The following AFAP1 variants were observed in gnomAD, a reference collection of about 807,000 sequenced individuals.
The protein encoded by AFAP1 is actin filament-associated protein 1.
Under a neutral mutation model 93.9 loss-of-function variants are expected in AFAP1, and 75 were observed. That is an observed-to-expected ratio of 0.80 (90% CI 0.66 to 0.97). The LOEUF (loss-of-function observed/expected upper bound fraction) is 0.97. Ranked by LOEUF, AFAP1 falls within the 50% of genes least tolerant of loss-of-function variation. AFAP1 has a pLI of 0.00. For synonymous variants in AFAP1, 517 were observed against 430.7 expected (o/e 1.20, Z -2.48); for missense variants, 1,201 against 1,050.8 (o/e 1.14, Z -1.98).
At chr4:7,929,067 A>T (rs1720922438) in intron 1 of AFAP1, among the ~76,000 whole-genome samples, 1 of 152,326 alleles carries the variant, frequency 6.6e-6, no homozygotes, top group South Asian at 2.1e-4. Context: ...TCAGGAGAGG[A>T]GGCAGGGGTG....
Position 7,797,718 on chromosome 4 carries a change from C to T in AFAP1, c.1266+2724G>A, listed in dbSNP as rs547327884. On this transcript the variant is annotated intron_variant, in intron 10 of 17. Transcript: ENST00000420658. ...CCTGACGAAGATCTAGGACTCAGAC[C>T]AGCATGCTGTATGCATGGTAGTTTC... 2.0e-5 allele frequency among the ~76,000 whole-genome samples: 3 copies of T among 152,306 alleles called. No homozygotes were observed. The East Asian group carries it at 5.8e-4, about 29-fold the overall frequency.
In AFAP1 at chr4:7,759,125, A is replaced by G. The variant is rs924408069; in HGVS notation, c.*4640T>C. ...TATCACCATGGTCAATTAATTCTGAATATCACTTAAAAGTTGATGTTAAAA... is the reference window on the plus strand; with the variant it reads ...TATCACCATGGTCAATTAATTCTGAGTATCACTTAAAAGTTGATGTTAAAA... On this transcript the variant is annotated 3_prime_UTR_variant, in exon 18 of 18. Coordinates refer to ENST00000420658, the MANE Select transcript of AFAP1 (RefSeq NM_001134647.2). 2.8e-4 allele frequency: 43 copies of G among 152,684 alleles called. No individual in the cohort carries two copies. The highest frequency in any genetic ancestry group is 8.7e-4 in the African/African-American group (36 of 41,470). 9.5% of individuals were successfully genotyped at this position (152,684 alleles called of 1,614,324 possible). A position where few individuals can be genotyped will look rare whatever the true frequency, so the allele number is the denominator to read the frequency against.
intron 1 of AFAP1, among the ~76,000 whole-genome samples, chr4:7,918,269 G>C (rs1475174321): frequency 6.8e-6 from 1 of 147,138 alleles, no homozygotes; most frequent in African/African-American, 2.5e-5. Flanking sequence ...TGCCAGATGA[G>C]ACATTCGGCC....
chr4:7,793,981 C>A (rs556671712), intron 10 of AFAP1, among the ~76,000 whole-genome samples, 155 bp from the exon 11 acceptor site: 2 of 152,176 alleles, frequency 1.3e-5, no homozygotes, highest in Admixed American at 6.5e-5. Context: ...ATGGGATTAA[C>A]GTCACGTTCG....
chr4:7,919,724 C>T (rs1420538228), intron 1 of AFAP1, among the ~76,000 whole-genome samples: 1 of 151,940 alleles, frequency 6.6e-6, no homozygotes, highest in East Asian at 1.9e-4. Context: ...TTTGCTGCAC[C>T]TATCAACCCA....
chr4:7,869,632 G>C (rs182136585), intron 2 of AFAP1, among the ~76,000 whole-genome samples: 4 of 152,184 alleles, frequency 2.6e-5, no homozygotes, highest in Admixed American at 2.6e-4. Context: ...TTTTAATTTG[G>C]GCACAGTACT....
intron 1 of AFAP1, among the ~76,000 whole-genome samples, chr4:7,872,695 T>C (rs1717149660): frequency 6.6e-6 from 1 of 152,146 alleles, no homozygotes. Context: ...GTCAGCAGTT[T>C]GTAGATGATG....
At chr4:7,871,703 A>C (rs1478258440) in intron 2 of AFAP1, among the ~76,000 whole-genome samples, 1 of 152,176 alleles carries the variant, frequency 6.6e-6, no homozygotes, top group African/African-American at 2.4e-5. Context: ...GGTAATCTCC[A>C]AACGCTGGGG....
intron 1 of AFAP1, among the ~76,000 whole-genome samples, chr4:7,914,451 C>G (rs749965805): frequency 6.6e-6 from 1 of 152,156 alleles, no homozygotes; most frequent in Non-Finnish European, 1.5e-5. Flanking sequence ...CAGTTCCACC[C>G]ACGTTGCTGA....
chr4:7,806,072 G>A (rs1056852197), intron 9 of AFAP1, among the ~76,000 whole-genome samples: 1 of 152,210 alleles, frequency 6.6e-6, no homozygotes, highest in African/African-American at 2.4e-5. Flanking sequence ...AATAATTCCA[G>A]GACTTGTAAG....
At chr4:7,773,125 C>T (rs1715673686) in intron 15 of AFAP1, 115 bp from the exon 16 acceptor site, 1 of 1,436,180 alleles carries the variant, frequency 7.0e-7, no homozygotes, top group Admixed American at 2.6e-5. Flanking sequence ...TCGAGCTCCC[C>T]TGACTTAGGT....
At chr4:7,772,584 G>C (rs1715585188) in intron 16 of AFAP1, 2 of 533,904 alleles carry the variant, frequency 3.7e-6, no homozygotes, top group Non-Finnish European at 6.7e-6. Flanking sequence ...GAAAGACACA[G>C]ACTCAGCATT....
chr4:7,780,261 G>A (rs1716622300), intron 13 of AFAP1, among the ~76,000 whole-genome samples: 1 of 152,200 alleles, frequency 6.6e-6, no homozygotes, highest in South Asian at 2.1e-4. Context: ...CCCAGGGATG[G>A]GATCTGAACA....
chr4:7,763,877 G>C (rs1714159759), intron 17 of AFAP1, 86 bp from the exon 18 acceptor site: 2 of 1,385,200 alleles, frequency 1.4e-6, no homozygotes, highest in Admixed American at 2.0e-5. Context: ...TCAACTCAGA[G>C]GGGGTGGGTG....
chr4:7,832,076 C>A (rs1182477147), intron 6 of AFAP1, among the ~76,000 whole-genome samples: 1 of 152,176 alleles, frequency 6.6e-6, no homozygotes, highest in Non-Finnish European at 1.5e-5. Context: ...TGAAACTACA[C>A]ACGCCTGCTT....
chr4:7,872,569 C>G (rs538772070), intron 1 of AFAP1, among the ~76,000 whole-genome samples: 22 of 152,184 alleles, frequency 1.4e-4, no homozygotes, highest in East Asian at 3.8e-4. Flanking sequence ...GGCCAGATGC[C>G]GAGGCTGGTG....
chr4:7,884,633 T>C (rs1718040125), intron 1 of AFAP1, among the ~76,000 whole-genome samples: 2 of 152,110 alleles, frequency 1.3e-5, no homozygotes, highest in African/African-American at 4.8e-5. Context: ...GGTAACTATT[T>C]GGGAAAAAGA....
At chr4:7,886,419 C>T (rs1218098615) in intron 1 of AFAP1, among the ~76,000 whole-genome samples, 1 of 152,182 alleles carries the variant, frequency 6.6e-6, no homozygotes, top group African/African-American at 2.4e-5. Flanking sequence ...TGTGCAGTTT[C>T]AACTCTGAAA....
intron 1 of AFAP1, among the ~76,000 whole-genome samples, chr4:7,885,180 A>C (rs1486006912): frequency 6.6e-6 from 1 of 152,202 alleles, no homozygotes; most frequent in Non-Finnish European, 1.5e-5. Context: ...CGGATCCTGT[A>C]TAAAAATCTT....
Sources: gnomAD v4.1 joint callset for allele counts (sites outside exome capture counted in the v4.1 genomes callset) on GRCh38, gnomAD v4.1.1 for gene constraint, MANE v1.5 for transcripts, NCBI Gene and HGNC (gene_info 2026-07-23, HGNC 2026-07-21) for gene names.